NUMB: variants seen among roughly 807,000 people sequenced by gnomAD.
NUMB encodes the protein protein numb homolog.
A neutral mutation model predicts 59.7 loss-of-function variants in NUMB; 29 were observed. That is an observed-to-expected ratio of 0.49 (90% CI 0.36 to 0.66). The LOEUF (loss-of-function observed/expected upper bound fraction) is 0.66. Ranked by LOEUF, NUMB falls within the 30% of genes least tolerant of loss-of-function variation. The pLI is 0.00. For synonymous variants in NUMB, 288 were observed against 288.2 expected (o/e 1.00, Z 0.01); for missense variants, 723 against 822.0 (o/e 0.88, Z 1.47).
chr14:73,366,817 A>G (rs1199996214), intron 3 of NUMB, 80 bp downstream of exon 3: 2 of 152,210 alleles, frequency 1.3e-5, no homozygotes, highest in East Asian at 3.8e-4. Context: ...TATTAATACT[A>G]ACACAACTTA....
intron 4 of NUMB, among the ~76,000 whole-genome samples, chr14:73,350,138 A>ATCATCTCT (rs2140000538): frequency 6.8e-6 from 1 of 147,934 alleles, no homozygotes; most frequent in East Asian, 2.0e-4. Context: ...GTCAATGATC[A>ATCATCTCT]TCATCTCTGC....
intron 1 of NUMB, among the ~76,000 whole-genome samples, chr14:73,455,803 C>A (rs1475533240): frequency 1.3e-5 from 2 of 151,988 alleles, no homozygotes; most frequent in African/African-American, 4.8e-5. Flanking sequence ...CAAGTCAGTC[C>A]ATTTCAGTGT....
intron 8 of NUMB, among the ~76,000 whole-genome samples, chr14:73,287,932 G>A (rs915505901): frequency 2.0e-5 from 3 of 152,124 alleles, no homozygotes; most frequent in African/African-American, 7.2e-5. Flanking sequence ...CTCTATGCAA[G>A]GTTTCAAGCC....
At chr14:73,394,811 T>C (rs964251442) in intron 2 of NUMB, among the ~76,000 whole-genome samples, 1 of 152,220 alleles carries the variant, frequency 6.6e-6, no homozygotes, top group Non-Finnish European at 1.5e-5. Context: ...TTTTTGCTTA[T>C]GCATTTCTTC....
chr14:73,328,099 A>AC (rs1251631519), intron 4 of NUMB, among the ~76,000 whole-genome samples: 1 of 152,082 alleles, frequency 6.6e-6, no homozygotes, highest in Admixed American at 6.5e-5. Flanking sequence ...ATATGGTGAA[A>AC]CCCCATCTCT....
intron 2 of NUMB, among the ~76,000 whole-genome samples, chr14:73,390,121 T>G (rs1459082886): frequency 6.6e-6 from 1 of 152,172 alleles, no homozygotes; most frequent in Non-Finnish European, 1.5e-5. Flanking sequence ...GGGCATAATA[T>G]AAGTACACAA....
intron 1 of NUMB, among the ~76,000 whole-genome samples, chr14:73,445,006 C>A (rs947060690): frequency 9.2e-5 from 14 of 152,010 alleles, no homozygotes; most frequent in African/African-American, 3.4e-4. Flanking sequence ...CAAGGAGATT[C>A]AATACAGTAC....
intron 2 of NUMB, among the ~76,000 whole-genome samples, chr14:73,394,393 T>G (rs958108482): frequency 1.4e-5 from 2 of 146,540 alleles, no homozygotes; most frequent in Admixed American, 7.1e-5. Flanking sequence ...TTATTGTCTT[T>G]GCAGTTTTCT....
At chr14:73,415,264 G>A (rs968065597) in intron 1 of NUMB, among the ~76,000 whole-genome samples, 2 of 151,986 alleles carry the variant, frequency 1.3e-5, no homozygotes, top group Non-Finnish European at 2.9e-5. Flanking sequence ...AAAACACAGA[G>A]GAATAACAAT....
At chr14:73,424,084 T>C (rs1267229038) in intron 1 of NUMB, among the ~76,000 whole-genome samples, 1 of 151,842 alleles carries the variant, frequency 6.6e-6, no homozygotes, top group East Asian at 1.9e-4. Flanking sequence ...GTAATCATGG[T>C]TTTTGCCATT....
intron 3 of NUMB, among the ~76,000 whole-genome samples, chr14:73,366,501 C>T (rs1755100714): frequency 6.6e-6 from 1 of 152,126 alleles, no homozygotes; most frequent in South Asian, 2.1e-4. Flanking sequence ...GTTGTAAATG[C>T]TTTGTATGTA....
At chr14:73,440,547 A>T (rs577181754) in intron 1 of NUMB, among the ~76,000 whole-genome samples, 1 of 152,106 alleles carries the variant, frequency 6.6e-6, no homozygotes, top group East Asian at 1.9e-4. Context: ...AAGCACAAGC[A>T]ACAAAAAAAA....
At position 73,336,363 on chromosome 14, in the gene NUMB, G is replaced by C. The variant is rs143111651; in HGVS notation, c.127-13159C>G. Among the ~76,000 whole-genome samples the C allele has an allele frequency of 8.2e-4, 125 of 152,298 alleles. 1 individual carries two copies. Among genetic ancestry groups the C allele is most frequent in the African/African-American group, 2.9e-3 (120 of 41,556 alleles). On this transcript the variant is annotated intron_variant, in intron 4 of 12. Coordinates refer to ENST00000555238, the MANE Select transcript of NUMB (RefSeq NM_001005743.2). ...CCCTTAATGAATAAACCCAGGCAAA[G>C]ATCATGAAAGAACTACTGCTATTTT...
At chr14:73,344,500 TA>T in intron 4 of NUMB, among the ~76,000 whole-genome samples, 1 of 152,358 alleles carries the variant, frequency 6.6e-6, no homozygotes, top group East Asian at 1.9e-4. Flanking sequence ...GCAAATCACT[TA>T]ATAGAGCAAA....
intron 2 of NUMB, among the ~76,000 whole-genome samples, chr14:73,406,176 C>T (rs144922344): frequency 0.05 from 7,555 of 150,746 alleles, 637 homozygotes; most frequent in African/African-American, 0.18. Context: ...ACATGTGCCA[C>T]GTTGGTGTGC....
intron 6 of NUMB, among the ~76,000 whole-genome samples, chr14:73,302,867 C>T (rs894245179): frequency 3.3e-5 from 5 of 151,980 alleles, no homozygotes; most frequent in African/African-American, 7.3e-5. Context: ...GCCATCAGGC[C>T]GCAGTTAACT....
intron 2 of NUMB, among the ~76,000 whole-genome samples, chr14:73,381,554 C>A (rs12884658): frequency 0.033 from 5,057 of 152,244 alleles, 135 homozygotes; most frequent in Middle Eastern, 0.061. Flanking sequence ...CAGAGCTCTG[C>A]TCAAATATTA....
intron 1 of NUMB, among the ~76,000 whole-genome samples, chr14:73,421,229 G>C (rs2140151622): frequency 6.6e-6 from 1 of 152,032 alleles, no homozygotes; most frequent in East Asian, 1.9e-4. Context: ...CTGTCACCCA[G>C]GCTGGAGTGC....
chr14:73,341,368 A>G (rs1451132365), intron 4 of NUMB, among the ~76,000 whole-genome samples: 1 of 152,182 alleles, frequency 6.6e-6, no homozygotes, highest in African/African-American at 2.4e-5. Flanking sequence ...TCTAGGTGGA[A>G]AAGGGTCAAA....
Sources: gnomAD v4.1 joint callset for allele counts (sites outside exome capture counted in the v4.1 genomes callset) on GRCh38, gnomAD v4.1.1 for gene constraint, MANE v1.5 for transcripts, NCBI Gene and HGNC (gene_info 2026-07-23, HGNC 2026-07-21) for gene names.